SOX5: variants seen among roughly 807,000 people sequenced by gnomAD.
SOX5 encodes transcription factor SOX-5.
Under a neutral mutation model 92.0 loss-of-function variants are expected in SOX5, and 9 were observed. The observed-to-expected ratio is 0.10, with a 90% CI of 0.06 to 0.17. SOX5 has a LOEUF of 0.17. SOX5 is among the 10% of genes least tolerant of loss of function. The pLI is 1.00. For missense variants in SOX5, 642 were observed against 944.5 expected (o/e 0.68, Z 4.20); for synonymous variants, 344 against 336.3 (o/e 1.02, Z -0.25).
chr12:24,025,688 G>A (rs984063561), intron 4 of SOX5, among the ~76,000 whole-genome samples: 5 of 151,804 alleles, frequency 3.3e-5, no homozygotes, highest in African/African-American at 7.3e-5. Flanking sequence ...ATAAACAAGC[G>A]GGCAATGTCA....
rs959812712 is a variant in SOX5, at chr12:24,289,706, C to T, written c.-173-12394G>A. 3.3e-5 allele frequency among the ~76,000 whole-genome samples: 4 copies of T among 120,690 alleles called. 1 individual carries two copies. The highest frequency in any genetic ancestry group is 9.6e-5 in the African/African-American group (2 of 20,876). 79.2% of individuals were successfully genotyped at this position (120,690 alleles called of 152,430 possible). The stretch of plus-strand genomic sequence containing the variant: ...TCCTGACCTCGTGATCCGCCCGCCT[C>T]GGCCTCCCAAAGTGCTGGGATTACA... On this transcript the variant is annotated intron_variant, in intron 2 of 4. Transcript: ENST00000446891.
intron 3 of SOX5, among the ~76,000 whole-genome samples, chr12:24,270,414 T>A (rs1014109340): frequency 1.1e-4 from 17 of 152,178 alleles, no homozygotes; most frequent in Admixed American, 9.2e-4. Flanking sequence ...TTTGAAGATG[T>A]CTCCATTTAA....
chr12:24,039,476 C>T (rs1956329213), intron 4 of SOX5, among the ~76,000 whole-genome samples: 1 of 152,100 alleles, frequency 6.6e-6, no homozygotes, highest in African/African-American at 2.4e-5. Flanking sequence ...AAACAAAAAA[C>T]TCTGCAGCAT....
chr12:24,070,399 T>C (rs7136388), intron 4 of SOX5, among the ~76,000 whole-genome samples: 52,968 of 151,870 alleles, frequency 0.35, 9,635 homozygotes, highest in Non-Finnish European at 0.4. Context: ...ACAGTTTTGT[T>C]TGTGCCAGGG....
upstream of SOX5, among the ~76,000 whole-genome samples, chr12:23,951,711 G>A (rs1006737463): frequency 3.3e-5 from 5 of 152,028 alleles, no homozygotes; most frequent in Admixed American, 3.3e-4. Context: ...TCACTATGGA[G>A]TTAAGACACT....
At chr12:24,298,575 T>G (rs776188002) in intron 2 of SOX5, among the ~76,000 whole-genome samples, 1 of 152,194 alleles carries the variant, frequency 6.6e-6, no homozygotes, top group Non-Finnish European at 1.5e-5. Flanking sequence ...TACTATATTA[T>G]GTAGTAGCAC....
At chr12:23,789,346 A>T (rs1046652382) in intron 3 of SOX5, among the ~76,000 whole-genome samples, 4 of 152,118 alleles carry the variant, frequency 2.6e-5, no homozygotes, top group African/African-American at 4.8e-5. Context: ...ATATCCAAGG[A>T]ACATGCGTTT....
chr12:24,452,189 C>T (rs1047726410), intron 1 of SOX5, among the ~76,000 whole-genome samples: 5 of 152,220 alleles, frequency 3.3e-5, no homozygotes, highest in East Asian at 1.9e-4. Context: ...TAATGTTTAT[C>T]GAGTTGCTTG....
At chr12:23,711,370 T>C (rs751490437) in intron 6 of SOX5, among the ~76,000 whole-genome samples, 3 of 152,184 alleles carry the variant, frequency 2.0e-5, no homozygotes, top group Non-Finnish European at 4.4e-5. Flanking sequence ...ATTTTTGGCA[T>C]AATTTTTGTC....
chr12:24,278,804 A>G (rs1056168796), intron 2 of SOX5, among the ~76,000 whole-genome samples: 1 of 152,084 alleles, frequency 6.6e-6, no homozygotes, highest in Non-Finnish European at 1.5e-5. Context: ...GGCTGTCTAT[A>G]TATAGTCAGT....
chr12:23,554,771 T>A (rs956351298), intron 11 of SOX5, among the ~76,000 whole-genome samples: 1 of 152,172 alleles, frequency 6.6e-6, no homozygotes. Flanking sequence ...AATGCGACAT[T>A]CCTCCTATTT....
At chr12:23,893,186 G>A (rs1232005780) in intron 2 of SOX5, among the ~76,000 whole-genome samples, 4 of 152,222 alleles carry the variant, frequency 2.6e-5, no homozygotes, top group South Asian at 4.2e-4. Flanking sequence ...GGTGGCTCAC[G>A]CCTGTAATCC....
At chr12:23,765,342 G>A (rs1594191908) in intron 3 of SOX5, among the ~76,000 whole-genome samples, 1 of 114,122 alleles carries the variant, frequency 8.8e-6, no homozygotes, top group East Asian at 3.1e-4. Flanking sequence ...CTGCAGTCAT[G>A]TGTTAGCTAT....
chr12:23,842,400 A>C (rs2096529481), intron 3 of SOX5, among the ~76,000 whole-genome samples: 1 of 152,154 alleles, frequency 6.6e-6, no homozygotes, highest in Non-Finnish European at 1.5e-5. Context: ...TAATATAGAC[A>C]AATATAGAAA....
At chr12:24,174,089 C>T (rs1302809346) in intron 4 of SOX5, among the ~76,000 whole-genome samples, 1 of 152,086 alleles carries the variant, frequency 6.6e-6, no homozygotes, top group Non-Finnish European at 1.5e-5. Context: ...CCTACGCCTC[C>T]TGGGTTCAAG....
chr12:24,289,099 G>A lies in SOX5; in HGVS notation c.-173-11787C>T, dbSNP rs1206538753. On this transcript the variant is annotated intron_variant, in intron 2 of 4. Transcript: ENST00000446891. ...AATTAGAGACTAGCCTGGGCAACAT[G>A]GTGAAACCTCCTCTCTACCAAAAAT... 3.9e-5 allele frequency among the ~76,000 whole-genome samples: 6 copies of A among 152,064 alleles called. No homozygotes were observed. The East Asian group carries it at 9.7e-4, about 25-fold the overall frequency.
At chr12:23,750,044 G>A in intron 4 of SOX5, among the ~76,000 whole-genome samples, 1 of 151,726 alleles carries the variant, frequency 6.6e-6, no homozygotes, top group East Asian at 1.9e-4. Context: ...ATCCAGGTTT[G>A]GTAGGTCTAG....
intron 1 of SOX5, among the ~76,000 whole-genome samples, chr12:24,503,408 T>C (rs1056752104): frequency 5.9e-5 from 9 of 152,142 alleles, no homozygotes; most frequent in Admixed American, 3.9e-4. Context: ...TTACAAAGCA[T>C]AGCTTAAAAG....
intron 4 of SOX5, among the ~76,000 whole-genome samples, chr12:24,143,148 T>G (rs1950749444): frequency 6.6e-6 from 1 of 152,194 alleles, no homozygotes; most frequent in South Asian, 2.1e-4. Flanking sequence ...TATTAATACT[T>G]TGGTCCTACC....
Sources: allele counts gnomAD v4.1 joint callset (sites outside exome capture counted in the v4.1 genomes callset), GRCh38; gene constraint gnomAD v4.1.1; transcripts MANE v1.5; gene names NCBI Gene and HGNC (gene_info 2026-07-23, HGNC 2026-07-21).